Variants in GSN observed in about 807,000 individuals in gnomAD.
GSN encodes actin-depolymerizing factor.
A neutral mutation model predicts 85.7 loss-of-function variants in GSN; 56 were observed. The observed-to-expected ratio is 0.65, with a 90% CI of 0.53 to 0.82. The LOEUF is 0.82. Ranked by LOEUF, GSN falls within the 40% of genes least tolerant of loss-of-function variation. GSN has a pLI of 0.00. For synonymous variants in GSN, 373 were observed against 399.1 expected, an observed-to-expected ratio of 0.93 and a Z score of 0.78; for missense variants, 857 against 979.8, an observed-to-expected ratio of 0.87 and a Z score of 1.67.
In GSN at chr9:121,324,658, A is replaced by G. The variant is rs201265856; in HGVS notation, c.1416+14A>G. On this transcript the variant is annotated intron_variant, in intron 12 of 17. Transcript: ENST00000432226. ...ACCCCTGTCCAGGTGAGCCCAGCCC[A>G]CCGCCTCTCTGGGCTGCAGCCTGAG... The G allele has an allele frequency of 6.7e-6, 9 of 1,349,982 alleles. No individual in the cohort carries two copies. Among genetic ancestry groups the G allele is most frequent in the African/African-American group, 1.4e-5 (1 of 69,344 alleles). The allele number at this position is 1,349,982 out of a possible 1,614,324, so 83.6% of individuals were successfully genotyped here.
intron 14 of GSN, 137 bp from the exon 15 acceptor site, chr9:121,328,754 C>T: frequency 1.1e-6 from 1 of 940,726 alleles, no homozygotes; most frequent in Non-Finnish European, 1.7e-6. Flanking sequence ...CCCTCTGGAT[C>T]TCCTGGGATT....
At chr9:121,231,218 T>C (rs1020336754) in exon 5 of GSN, 1 of 152,200 alleles carries the variant, frequency 6.6e-6, no homozygotes, top group African/African-American at 2.4e-5. Flanking sequence ...CGCTCCACAA[T>C]GCTGCAGAGC....
At chr9:121,243,699 T>C (rs779239701) in intron 5 of GSN, among the ~76,000 whole-genome samples, 2 of 152,204 alleles carry the variant, frequency 1.3e-5, no homozygotes, top group Non-Finnish European at 1.5e-5. Flanking sequence ...TGCCTCAGCC[T>C]CCCGAGTAGC....
intron 4 of GSN, among the ~76,000 whole-genome samples, chr9:121,225,902 T>A (rs966392085): frequency 1.3e-5 from 2 of 152,146 alleles, no homozygotes; most frequent in Non-Finnish European, 2.9e-5. Flanking sequence ...ACTCCCGGGT[T>A]CAAGTGATTC....
chr9:121,312,024 G>A (rs2061206739), intron 5 of GSN: 4 of 350,570 alleles, frequency 1.1e-5, no homozygotes, highest in Non-Finnish European at 2.1e-5. Context: ...TAGTGGCTAT[G>A]GCCAAATGGT....
intron 5 of GSN, chr9:121,311,263 C>A: frequency 3.6e-6 from 1 of 276,832 alleles, no homozygotes; most frequent in Non-Finnish European, 7.1e-6. Flanking sequence ...TTGCACATGC[C>A]CATGATCTAT....
At chr9:121,272,563 C>G (rs1021886833) in intron 1 of GSN, among the ~76,000 whole-genome samples, 3 of 152,188 alleles carry the variant, frequency 2.0e-5, no homozygotes, top group African/African-American at 7.2e-5. Context: ...AGCTACTGTT[C>G]TTGAATTTAA....
chr9:121,229,992 A>G (rs565740722), intron 4 of GSN, among the ~76,000 whole-genome samples: 2 of 152,360 alleles, frequency 1.3e-5, no homozygotes, highest in Admixed American at 6.5e-5. Flanking sequence ...TTCAATGTGT[A>G]GAAATCCTTT....
Position 121,329,724 on chromosome 9 carries a change from A to G in GSN, c.1965+409A>G, listed in dbSNP as rs1368811108. 1.3e-5 allele frequency among the ~76,000 whole-genome samples: 2 copies of G among 152,162 alleles called. No homozygotes were observed. The highest frequency in any genetic ancestry group is 2.4e-5 in the African/African-American group (1 of 41,424). The stretch of plus-strand genomic sequence containing the variant: ...CTAGAGGGCTCCTGCTTCTGGTTTG[A>G]GGGCTCTGGGCTCTGTCTCCACTTC... On this transcript the variant is annotated intron_variant, in intron 16 of 17. Coordinates refer to ENST00000432226, the MANE Select transcript of GSN (RefSeq NM_198252.3). The surrounding 1 kb of genome is among the most constrained non-coding windows in gnomAD (Gnocchi z 4.6).
At chr9:121,288,619 T>C (rs1458564133) in intron 2 of GSN, among the ~76,000 whole-genome samples, 1 of 152,222 alleles carries the variant, frequency 6.6e-6, no homozygotes, top group African/African-American at 2.4e-5. Context: ...AAGTCACTTT[T>C]ACAGGCTCAC....
In GSN at chr9:121,251,505, A is replaced by G. The variant is rs1261492086; in HGVS notation, c.-341+3182A>G. Reference sequence around the variant, plus strand: ...AGCTACCGTGCCCAGCCTGATGTTCATTTTTAAACAACTCATTTGCAATTA... The same window carrying G: ...AGCTACCGTGCCCAGCCTGATGTTCGTTTTTAAACAACTCATTTGCAATTA... On this transcript the variant is annotated intron_variant, in intron 6 of 24. Transcript: ENST00000373823. Among the ~76,000 whole-genome samples the G allele has an allele frequency of 2.6e-5, 4 of 151,916 alleles. No individual in the cohort carries two copies. The East Asian group carries it at 7.7e-4, about 29-fold the overall frequency.
chr9:121,267,833 C>T (rs1198145961), upstream of GSN, among the ~76,000 whole-genome samples: 3 of 152,198 alleles, frequency 2.0e-5, no homozygotes, highest in Admixed American at 6.5e-5. Flanking sequence ...GCTTGCCCGT[C>T]CCATCTGAGC....
At chr9:121,303,794 G>A (rs2060140523) in intron 4 of GSN, among the ~76,000 whole-genome samples, 1 of 152,144 alleles carries the variant, frequency 6.6e-6, no homozygotes. Context: ...AAGGGCTATG[G>A]AAACACTGTA....
intron 2 of GSN, 45 bp downstream of exon 2, chr9:121,281,607 C>T (rs1301235477): frequency 4.2e-6 from 2 of 471,252 alleles, no homozygotes; most frequent in Non-Finnish European, 8.8e-6. Context: ...TAAACCCCGC[C>T]CTGGCTGCCC....
intron 5 of GSN, chr9:121,311,980 T>G (rs758564836): frequency 8.0e-6 from 2 of 250,352 alleles, no homozygotes; most frequent in Non-Finnish European, 1.6e-5. Flanking sequence ...GAAGGAGGAT[T>G]GCTGGGTCAT....
At chr9:121,274,953 A>G (rs1433996745) in intron 1 of GSN, among the ~76,000 whole-genome samples, 1 of 152,246 alleles carries the variant, frequency 6.6e-6, no homozygotes, top group African/African-American at 2.4e-5. Flanking sequence ...AAGTTTGGCC[A>G]AGCAAATAAT....
At chr9:121,314,044 CT>C in intron 7 of GSN, 21 bp downstream of exon 7, 1 of 1,578,948 alleles carries the variant, frequency 6.3e-7, no homozygotes, top group Non-Finnish European at 8.7e-7. Flanking sequence ...GATGCACTGT[CT>C]GCCTGGGCAT....
chr9:121,252,603 G>A (rs1336692034), intron 6 of GSN, among the ~76,000 whole-genome samples: 1 of 152,198 alleles, frequency 6.6e-6, no homozygotes, highest in African/African-American at 2.4e-5. Flanking sequence ...GCATAAAAGA[G>A]TGAGTGTGAG....
intron 1 of GSN, among the ~76,000 whole-genome samples, chr9:121,277,759 A>T (rs1281762290): frequency 6.6e-6 from 1 of 152,152 alleles, no homozygotes; most frequent in Non-Finnish European, 1.5e-5. Flanking sequence ...CTAGCATTTG[A>T]TCAACCCTTT....
Sources: allele counts gnomAD v4.1 joint callset (sites outside exome capture counted in the v4.1 genomes callset), GRCh38; gene constraint gnomAD v4.1.1; non-coding constraint Gnocchi (gnomAD v3.1); transcripts MANE v1.5; gene names NCBI Gene and HGNC (gene_info 2026-07-23, HGNC 2026-07-21).